Variants in FKTN observed in about 807,000 individuals in gnomAD.
The protein encoded by FKTN is ribitol-5-phosphate transferase FKTN.
In FKTN, 47 loss-of-function variants were observed where a neutral mutation model predicts 58.6. The ratio of observed to expected loss-of-function variants is 0.80; its 90% CI spans 0.63 to 1.02. The LOEUF (loss-of-function observed/expected upper bound fraction) is 1.02, where lower values mean the gene tolerates loss of function less well. Ranked by LOEUF, FKTN falls within the 50% of genes least tolerant of loss-of-function variation. FKTN has a pLI of 0.00. For synonymous variants in FKTN, 178 were observed against 191.9 expected, an observed-to-expected ratio of 0.93 and a Z score of 0.60; for missense variants, 516 against 537.3, an observed-to-expected ratio of 0.96 and a Z score of 0.39.
At chr9:105,596,520 A>G in intron 3 of FKTN, 78 bp from the exon 4 acceptor site, 1 of 883,564 alleles carries the variant, frequency 1.1e-6, no homozygotes, top group Non-Finnish European at 1.9e-6. Context: ...TTATATTTTG[A>G]ATCTCATGCC....
chr9:105,595,201 G>A (rs1826545885), intron 3 of FKTN, among the ~76,000 whole-genome samples: 1 of 152,120 alleles, frequency 6.6e-6, no homozygotes, highest in South Asian at 2.1e-4. Flanking sequence ...CTGTTAATAG[G>A]AACATAGTTT....
intron 10 of FKTN, among the ~76,000 whole-genome samples, chr9:105,627,168 CA>C (rs1252711858): frequency 6.6e-6 from 1 of 151,932 alleles, no homozygotes; most frequent in Non-Finnish European, 1.5e-5. Context: ...GATGGGGTTT[CA>C]CCATGTTGCC....
intron 10 of FKTN, among the ~76,000 whole-genome samples, chr9:105,627,057 C>T (rs1431806205): frequency 2.0e-5 from 3 of 151,244 alleles, no homozygotes; most frequent in Non-Finnish European, 4.4e-5. Context: ...ACTGCAACCT[C>T]CACCTCCCAG....
rs192160435 is a variant in FKTN at position 105,582,351 on chromosome 9, G to A, written c.105+7214G>A. On this transcript the variant is annotated intron_variant, in intron 3 of 10. Transcript: ENST00000357998. ...GAGGACTACAGGCACATGCCATCAC[G>A]CCTGACTAATTAAAAAAAATTTTTT... 3.1e-3 allele frequency among the ~76,000 whole-genome samples: 472 copies of A among 152,166 alleles called. 4 individuals are homozygous for A. The highest frequency in any genetic ancestry group is 0.011 in the African/African-American group (443 of 41,508).
At chr9:105,582,049 A>G (rs529569961) in intron 3 of FKTN, among the ~76,000 whole-genome samples, 3,885 of 151,798 alleles carry the variant, frequency 0.026, 175 homozygotes, top group African/African-American at 0.085. Context: ...CGCACCCACT[A>G]GCCTGCGCCC....
chr9:105,591,351 G>C (rs569472877), intron 3 of FKTN, among the ~76,000 whole-genome samples: 10 of 152,286 alleles, frequency 6.6e-5, no homozygotes, highest in African/African-American at 2.4e-4. Flanking sequence ...AAATTAGTTA[G>C]TTACTCCCAA....
chr9:105,559,285 G>A (rs551574953), intron 1 of FKTN, among the ~76,000 whole-genome samples: 362 of 152,326 alleles, frequency 2.4e-3, no homozygotes, highest in Non-Finnish European at 3.6e-3. Flanking sequence ...TGGGCCAGCT[G>A]ATCTCTCTTC....
At chr9:105,568,426 G>C (rs1384969842) in intron 1 of FKTN, among the ~76,000 whole-genome samples, 1 of 152,022 alleles carries the variant, frequency 6.6e-6, no homozygotes, top group African/African-American at 2.4e-5. Context: ...AATCTACAAA[G>C]AACTCAAACA....
chr9:105,558,170 G>A lies in FKTN; in HGVS notation c.-181+5G>A, dbSNP rs911656670. On this transcript the variant is annotated splice_donor_5th_base_variant and intron_variant, in intron 1 of 10. Coordinates refer to ENST00000357998, the MANE Select transcript of FKTN (RefSeq NM_001079802.2). Reference sequence around the variant, plus strand: ...TGCAGCCTGCTGTTGAGTGAGGTAAGGTACGGGAGGCTCAGGTCGGTACCC... The same window carrying A: ...TGCAGCCTGCTGTTGAGTGAGGTAAAGTACGGGAGGCTCAGGTCGGTACCC... 1 of 152,258 alleles carries A rather than the reference G, an allele frequency of 6.6e-6. No homozygotes were observed. The highest frequency in any genetic ancestry group is 2.1e-4 in the South Asian group (1 of 4,832). 9.4% of individuals were successfully genotyped at this position (152,258 alleles called of 1,614,324 possible). A position where few individuals can be genotyped will look rare whatever the true frequency, so the allele number is the denominator to read the frequency against.
At position 105,635,961 on chromosome 9, in the gene FKTN, T is replaced by G. The variant is rs775687655; in HGVS notation, c.*697T>G. On this transcript the variant is annotated 3_prime_UTR_variant, in exon 11 of 11. Coordinates refer to ENST00000357998, the MANE Select transcript of FKTN (RefSeq NM_001079802.2). ...AGTGAGAAGAAACTTTATGCTTGTT[T>G]AATGCTTAAATTTCCATCCATTGTG... 18 of 985,658 alleles carry G rather than the reference T, an allele frequency of 1.8e-5. No individual in the cohort carries two copies. Among genetic ancestry groups the G allele is most frequent in the Non-Finnish European group, 2.2e-5 (18 of 830,134 alleles). The allele number at this position is 985,658 out of a possible 1,614,324, so 61.1% of individuals were successfully genotyped here. A position where few individuals can be genotyped will look rare whatever the true frequency, so the allele number is the denominator to read the frequency against.
At chr9:105,622,815 T>C (rs370642456) in intron 10 of FKTN, among the ~76,000 whole-genome samples, 3 of 152,222 alleles carry the variant, frequency 2.0e-5, no homozygotes, top group South Asian at 4.1e-4. Context: ...TTATTATTAC[T>C]GTTACTGTTA....
rs1293245717 is a variant in FKTN, at chr9:105,607,835, G to A, written c.664G>A (p.Val222Ile). Residue 222 changes from valine to isoleucine, a missense_variant, in exon 7 of 11, where the codon GTT becomes ATT. Transcript: ENST00000357998. Reference sequence around the variant, plus strand: ...TGTTTTCAGGCCAGAGTTACAGCAAGTTACTGTTGATGGACTGGAAGTTCT... The same window carrying A: ...TGTTTTCAGGCCAGAGTTACAGCAAATTACTGTTGATGGACTGGAAGTTCT... ...GAFDRPELQQ[V>I]TVDGLEVLIP... 1 of 1,612,796 alleles carries A rather than the reference G, an allele frequency of 6.2e-7. No homozygotes were observed. The highest frequency in any genetic ancestry group is 1.7e-5 in the Admixed American group (1 of 59,956).
At chr9:105,606,646 T>C (rs1022015821) in intron 6 of FKTN, among the ~76,000 whole-genome samples, 1 of 150,352 alleles carries the variant, frequency 6.7e-6, no homozygotes, top group African/African-American at 2.4e-5. Flanking sequence ...ACTTGAGAAG[T>C]GTAAGAGTAT....
intron 3 of FKTN, among the ~76,000 whole-genome samples, chr9:105,583,200 G>A (rs1843334550): frequency 2.6e-5 from 4 of 152,312 alleles, no homozygotes; most frequent in African/African-American, 9.6e-5. Context: ...ATTTTTTGAT[G>A]TGCTTGATTG....
chr9:105,630,220 A>G (rs1833244142), intron 10 of FKTN, among the ~76,000 whole-genome samples: 2 of 152,126 alleles, frequency 1.3e-5, no homozygotes, highest in African/African-American at 4.8e-5. Flanking sequence ...GAAAAAAGAA[A>G]AATCTGGGAT....
chr9:105,626,225 C>G (rs1832720137), intron 10 of FKTN, among the ~76,000 whole-genome samples: 3 of 152,160 alleles, frequency 2.0e-5, no homozygotes, highest in African/African-American at 7.2e-5. Context: ...TGCCCTGGTA[C>G]ATGCTTATCT....
intron 4 of FKTN, among the ~76,000 whole-genome samples, chr9:105,599,640 A>G (rs1827498393): frequency 6.6e-6 from 1 of 151,750 alleles, no homozygotes; most frequent in Non-Finnish European, 1.5e-5. Flanking sequence ...AGTTGCTGGG[A>G]CTACAGGCAC....
chr9:105,637,123 G>C lies in FKTN; in HGVS notation c.*1859G>C, dbSNP rs149725616. 1,258 of 986,780 alleles carry C rather than the reference G, an allele frequency of 1.3e-3. 11 individuals are homozygous for C. The African/African-American group carries it at 0.021, about 16-fold the overall frequency. 61.1% of individuals were successfully genotyped at this position (986,780 alleles called of 1,614,324 possible). A position where few individuals can be genotyped will look rare whatever the true frequency, so the allele number is the denominator to read the frequency against. ...TCATTTTTCATGCTTAAAAATAATA[G>C]AACAAATAATAATACTATTTTTGGG... On this transcript the variant is annotated 3_prime_UTR_variant, in exon 11 of 11. Transcript: ENST00000357998.
At position 105,640,378 on chromosome 9, in the gene FKTN, C is replaced by T. The variant is rs1834336156; in HGVS notation, c.*5114C>T. ...CCAGCCTGGCCAACATAGTGAAACCCCGTCTCTTCTAAAAATACAAAAAAA... is the reference window on the plus strand; with the variant it reads ...CCAGCCTGGCCAACATAGTGAAACCTCGTCTCTTCTAAAAATACAAAAAAA... On this transcript the variant is annotated 3_prime_UTR_variant, in exon 11 of 11. Transcript: ENST00000357998. The T allele has an allele frequency of 5.5e-6, 2 of 363,338 alleles. No individual in the cohort carries two copies. Among genetic ancestry groups the T allele is most frequent in the Admixed American group, 4.4e-5 (1 of 22,774 alleles). 22.5% of individuals were successfully genotyped at this position (363,338 alleles called of 1,614,324 possible).
Sources: allele counts gnomAD v4.1 joint callset (sites outside exome capture counted in the v4.1 genomes callset), GRCh38; gene constraint gnomAD v4.1.1; transcripts MANE v1.5; gene names NCBI Gene and HGNC (gene_info 2026-07-23, HGNC 2026-07-21).